C8orf58: variants seen among roughly 807,000 people sequenced by gnomAD.
C8orf58 encodes the protein uncharacterized protein C8orf58.
A neutral mutation model predicts 36.8 loss-of-function variants in C8orf58; 31 were observed. That is an observed-to-expected ratio of 0.84 (90% CI 0.63 to 1.14). The LOEUF (loss-of-function observed/expected upper bound fraction) is 1.14. Among genes scored for constraint, C8orf58 ranks in the 50% most tolerant of loss-of-function variants. The probability of loss-of-function intolerance (pLI) is 0.00; values close to 1 mark genes in which losing one functional copy is unlikely to be tolerated. For missense variants in C8orf58, 538 were observed against 480.8 expected (o/e 1.12, Z -1.11); for synonymous variants, 230 against 200.2 (o/e 1.15, Z -1.26).
At chr8:22,601,898 G>T in intron 3 of C8orf58, 46 bp downstream of exon 3, 1 of 1,562,816 alleles carries the variant, frequency 6.4e-7, no homozygotes, top group East Asian at 2.3e-5. Flanking sequence ...ATGGGACCCT[G>T]GGAACCATGG....
At chr8:22,599,852 C>T (rs1800799764) in intron 1 of C8orf58, 92 bp downstream of exon 1, 1 of 581,174 alleles carries the variant, frequency 1.7e-6, no homozygotes, top group Non-Finnish European at 2.5e-6. Flanking sequence ...AGTTTCTTGC[C>T]CAGCCCCGCG....
At chr8:22,600,452 G>A (rs1800814047) in intron 1 of C8orf58, 1 of 176,730 alleles carries the variant, frequency 5.7e-6, no homozygotes, top group African/African-American at 2.4e-5. Flanking sequence ...CAGAGAGCAG[G>A]TTGGATCCCA....
Position 22,601,278 on chromosome 8 carries a change from G to C in C8orf58, c.437G>C (p.Arg146Pro), listed in dbSNP as rs759153096. 6.2e-7 allele frequency: 1 copy of C among 1,609,718 alleles called. No individual in the cohort carries two copies. Residue 146 changes from arginine (R) to proline (P), a missense_variant, in exon 2 of 7, where the codon CGT (arginine) becomes CCT (proline). Transcript: ENST00000289989. The stretch of plus-strand genomic sequence containing the variant: ...CTGCGGCTGGCAAGCAAGCCTGAGC[G>C]TGAAGTGCCCCTTGGAGCAGGGCAA... ...RSLRLASKPEREVPLGAGQQE... is the reference protein window; with the variant it reads ...RSLRLASKPEPEVPLGAGQQE...
intron 1 of C8orf58, chr8:22,600,572 C>T (rs1053638072): frequency 2.1e-5 from 8 of 379,894 alleles, no homozygotes; most frequent in Non-Finnish European, 3.4e-5. Context: ...CTCGGGAGAT[C>T]GTGGGCTGAT....
rs1800938948 is a variant in C8orf58, at chr8:22,603,500, A to C, written c.*194A>C. ...AACCTTGGTTTCTTGAGAGGCCCCCAAGATGCCGCAGCTCCAGGGCTCTTC... is the reference window on the plus strand; with the variant it reads ...AACCTTGGTTTCTTGAGAGGCCCCCCAGATGCCGCAGCTCCAGGGCTCTTC... On this transcript the variant is annotated 3_prime_UTR_variant, in exon 7 of 7. Transcript: ENST00000289989. 1 of 633,022 alleles carries C rather than the reference A, an allele frequency of 1.6e-6. No homozygotes were observed. The highest frequency in any genetic ancestry group is 1.7e-5 in the South Asian group (1 of 60,536). 39.2% of individuals were successfully genotyped at this position (633,022 alleles called of 1,614,324 possible). A position where few individuals can be genotyped will look rare whatever the true frequency, so the allele number is the denominator to read the frequency against.
Position 22,601,277 on chromosome 8 carries a change from C to T in C8orf58, c.436C>T (p.Arg146Cys), listed in dbSNP as rs138794958. The T allele has an allele frequency of 8.7e-6, 14 of 1,609,740 alleles. No individual in the cohort carries two copies. Among genetic ancestry groups the T allele is most frequent in the Non-Finnish European group, 1.1e-5 (13 of 1,178,036 alleles). ...RSLRLASKPE[R>C]EVPLGAGQQE... ...CCTGCGGCTGGCAAGCAAGCCTGAG[C>T]GTGAAGTGCCCCTTGGAGCAGGGCA... is the stretch of plus-strand genomic sequence containing the variant. The change falls in exon 2 of 7, where the codon CGT becomes TGT. Residue 146 changes from arginine to cysteine, a missense_variant. Arg to Cys is a radical substitution (Grantham distance 180). Transcript: ENST00000289989.
Position 22,601,975 on chromosome 8 carries a change from C to T in C8orf58, c.661C>T (p.Pro221Ser), listed in dbSNP as rs147403979. Residue 221 changes from proline to serine, a missense_variant, in exon 4 of 7, where the codon CCC becomes TCC. Physicochemically the swap from Pro to Ser is moderately conservative, Grantham distance 74. Coordinates refer to ENST00000289989, the MANE Select transcript of C8orf58 (RefSeq NM_001013842.3). ...QLRIQRPPGD[P>S]GEEESTRAPL... ...CACCTGTCTCTCCTGTGCATAGGAT[C>T]CCGGCGAGGAGGAGTCGACCCGAGC... 12,542 of 1,552,242 alleles carry T rather than the reference C, an allele frequency of 8.1e-3. 84 individuals are homozygous for T. Among genetic ancestry groups the T allele is most frequent in the Middle Eastern group, 0.015 (87 of 5,768 alleles).
At chr8:22,601,673 T>G (rs767540201) in intron 2 of C8orf58, 39 bp from the exon 3 acceptor site, 1 of 1,568,508 alleles carries the variant, frequency 6.4e-7, no homozygotes, top group Non-Finnish European at 8.6e-7. Context: ...GCAGGAGCCC[T>G]ACTGGCTGAA....
chr8:22,600,142 A>G lies in C8orf58; in HGVS notation c.40+382A>G, dbSNP rs555633994. The G allele has an allele frequency of 1.3e-3, 234 of 177,592 alleles. 1 individual carries two copies. The highest frequency in any genetic ancestry group is 5.2e-3 in the African/African-American group (220 of 42,318). 11.0% of individuals were successfully genotyped at this position (177,592 alleles called of 1,614,324 possible). A position where few individuals can be genotyped will look rare whatever the true frequency, so the allele number is the denominator to read the frequency against. On this transcript the variant is annotated intron_variant, in intron 1 of 6. Coordinates refer to ENST00000289989, the MANE Select transcript of C8orf58 (RefSeq NM_001013842.3). ...CTTGCCCAGAGGGGCCTGGGTTGGCATTCGGCTCCCGCGTGCCCCGCAGCT... is the reference window on the plus strand; with the variant it reads ...CTTGCCCAGAGGGGCCTGGGTTGGCGTTCGGCTCCCGCGTGCCCCGCAGCT...
At position 22,603,160 on chromosome 8, in the gene C8orf58, C is replaced by G. The variant is rs747801065; in HGVS notation, c.987-35C>G. 5 of 1,478,242 alleles carry G rather than the reference C, an allele frequency of 3.4e-6. No individual in the cohort carries two copies. The Admixed American group carries it at 8.4e-5, about 25-fold the overall frequency. The allele number at this position is 1,478,242 out of a possible 1,614,324, so 91.6% of individuals were successfully genotyped here. On this transcript the variant is annotated intron_variant, in intron 6 of 6. Coordinates refer to ENST00000289989, the MANE Select transcript of C8orf58 (RefSeq NM_001013842.3). ...TAGGGCCATTGTTAGTTTTATTTCC[C>G]CCTTCTAGCCTAATGTCTTCTTTTC...
Position 22,603,831 on chromosome 8 carries a change from C to T in C8orf58, c.*525C>T, listed in dbSNP as rs1800951899. ...TCCTCCTCAGAGCCATGCTGGCAGC[C>T]CTGGGACAGAGAACGGTGTGGCTTT... On this transcript the variant is annotated 3_prime_UTR_variant, in exon 7 of 7. Coordinates refer to ENST00000289989, the MANE Select transcript of C8orf58 (RefSeq NM_001013842.3). 1 of 206,538 alleles carries T rather than the reference C, an allele frequency of 4.8e-6. No individual in the cohort carries two copies. The highest frequency in any genetic ancestry group is 1.0e-5 in the Non-Finnish European group (1 of 99,538). The allele number at this position is 206,538 out of a possible 1,614,324, so 12.8% of individuals were successfully genotyped here. A position where few individuals can be genotyped will look rare whatever the true frequency, so the allele number is the denominator to read the frequency against.
Position 22,601,095 on chromosome 8 carries a change from G to C in C8orf58, c.254G>C (p.Gly85Ala). ...GACAGCCCCCTGGCCGCCTTACCGG[G>C]CCTTTCTCAGGACTCCCTGGACTTT... ...VGDSPLAALP[G>A]LSQDSLDFES... is the part of the protein sequence containing the mutation. Residue 85 changes from glycine (G) to alanine (A), a missense_variant, in exon 2 of 7, where the codon GGC (glycine) becomes GCC (alanine). Gly to Ala is a moderately conservative substitution (Grantham distance 60, BLOSUM62 0). Coordinates refer to ENST00000289989, the MANE Select transcript of C8orf58 (RefSeq NM_001013842.3). The C allele has an allele frequency of 3.1e-6, 5 of 1,612,580 alleles. No homozygotes were observed. Among genetic ancestry groups the C allele is most frequent in the Non-Finnish European group, 4.2e-6 (5 of 1,180,004 alleles).
chr8:22,601,247 C>A lies in C8orf58; in HGVS notation c.406C>A (p.Arg136Ser), dbSNP rs202142296. ...TAPTSLSGQH[R>S]SLRLASKPER... ...TCCCACCAGCTTGTCAGGACAACAC[C>A]GCTCCCTGCGGCTGGCAAGCAAGCC... Residue 136 changes from arginine to serine, a missense_variant, in exon 2 of 7, where the codon CGC becomes AGC. Transcript: ENST00000289989. 1.2e-6 allele frequency: 2 copies of A among 1,609,722 alleles called. No individual in the cohort carries two copies. Among genetic ancestry groups the A allele is most frequent in the East Asian group, 4.5e-5 (2 of 44,684 alleles).
At position 22,601,984 on chromosome 8, in the gene C8orf58, G is replaced by A. The variant is rs776080445; in HGVS notation, c.670G>A (p.Glu224Lys). The A allele has an allele frequency of 2.6e-6, 4 of 1,555,550 alleles. No individual in the cohort carries two copies. Among genetic ancestry groups the A allele is most frequent in the Non-Finnish European group, 3.5e-6 (4 of 1,147,234 alleles). The change falls in exon 4 of 7, where the codon GAG becomes AAG. Residue 224 changes from glutamate (E) to lysine (K), a missense_variant. Physicochemically the swap from Glu to Lys is moderately conservative, Grantham distance 56. Transcript: ENST00000289989. ...IQRPPGDPGE[E>K]ESTRAPLPSP... ...CTCCTGTGCATAGGATCCCGGCGAG[G>A]AGGAGTCGACCCGAGCCCCTTTACC...
At position 22,602,578 on chromosome 8, in the gene C8orf58, C is replaced by A. The variant is rs201757790; in HGVS notation, c.921C>A (p.Asn307Lys). The stretch of plus-strand genomic sequence containing the variant: ...GGGACAAGGTCAAGGTCCTGCTCAA[C>A]CGGATCTGCCGGAGAAGCCACCACC... ...SHWDKVKVLL[N>K]RICRRSHHHP... is the part of the protein sequence containing the mutation. Residue 307 changes from asparagine (N) to lysine (K), a missense_variant, in exon 6 of 7, where the codon AAC becomes AAA. Asn to Lys is a moderately conservative substitution (Grantham distance 94, BLOSUM62 0). Coordinates refer to ENST00000289989, the MANE Select transcript of C8orf58 (RefSeq NM_001013842.3). 68 of 1,581,882 alleles carry A rather than the reference C, an allele frequency of 4.3e-5. No individual in the cohort carries two copies. The highest frequency in any genetic ancestry group is 2.4e-4 in the Admixed American group (14 of 58,606).
At chr8:22,600,790 G>GACAC in intron 1 of C8orf58, 92 bp from the exon 2 acceptor site, 1 of 1,112,866 alleles carries the variant, frequency 9.0e-7, no homozygotes, top group Admixed American at 2.2e-5. Context: ...ACTGCTCCGG[G>GACAC]ACACTTCTCC....
intron 2 of C8orf58, 103 bp from the exon 3 acceptor site, chr8:22,601,609 G>T: frequency 7.3e-7 from 1 of 1,366,156 alleles, no homozygotes; most frequent in Non-Finnish European, 1.0e-6. Context: ...TCCTCCTCGG[G>T]GCCCACTCTG....
In C8orf58 at chr8:22,601,698, A is replaced by G. The variant is rs1439894150; in HGVS notation, c.517-14A>G. 3 of 1,592,222 alleles carry G rather than the reference A, an allele frequency of 1.9e-6. No homozygotes were observed. The highest frequency in any genetic ancestry group is 2.6e-6 in the Non-Finnish European group (3 of 1,171,252). On this transcript the variant is annotated splice_polypyrimidine_tract_variant and intron_variant, in intron 2 of 6. Coordinates refer to ENST00000289989, the MANE Select transcript of C8orf58 (RefSeq NM_001013842.3). ...TACTGGCTGAAATCTCCCCTATCTC[A>G]CAATGTCCCACAGGTGGGGGGCCTG...
chr8:22,602,795 C>A, intron 6 of C8orf58, 152 bp downstream of exon 6: 1 of 603,558 alleles, frequency 1.7e-6, no homozygotes. Flanking sequence ...TTAAAACACC[C>A]CATTTACAGA....
Sources: gnomAD v4.1 joint callset for allele counts on GRCh38, gnomAD v4.1.1 for gene constraint, MANE v1.5 for transcripts, NCBI Gene and HGNC (gene_info 2026-07-23, HGNC 2026-07-21) for gene names.